Variants in TET1 observed in about 807,000 individuals in gnomAD.
TET1 encodes tet methylcytosine dioxygenase 1.
A neutral mutation model predicts 148.7 loss-of-function variants in TET1; 13 were observed. That is an observed-to-expected ratio of 0.09 (90% CI 0.06 to 0.14). The LOEUF (loss-of-function observed/expected upper bound fraction) is 0.14. Among genes scored for constraint, TET1 ranks in the 10% least tolerant of loss-of-function variants. TET1 has a pLI of 1.00. For synonymous variants in TET1, 907 were observed against 937.2 expected (o/e 0.97, Z 0.59); for missense variants, 2,182 against 2,553.8 (o/e 0.85, Z 3.14).
chr10:68,638,427 G>T (rs988452691), intron 3 of TET1, among the ~76,000 whole-genome samples: 2 of 152,114 alleles, frequency 1.3e-5, no homozygotes, highest in African/African-American at 2.4e-5. Context: ...ATTCTCAAGA[G>T]AAATGAAAAT....
chr10:68,575,474 G>A (rs1336967383), intron 2 of TET1, among the ~76,000 whole-genome samples: 1 of 152,072 alleles, frequency 6.6e-6, no homozygotes, highest in Non-Finnish European at 1.5e-5. Context: ...ACTTTGGGAG[G>A]CCAAGGTGGC....
At chr10:68,591,315 CTGAGT>C (rs1480385938) in intron 2 of TET1, among the ~76,000 whole-genome samples, 9 of 152,046 alleles carry the variant, frequency 5.9e-5, no homozygotes, top group Non-Finnish European at 1.3e-4. Flanking sequence ...TTTTTTCTAT[CTGAGT>C]TATGTTCCAT....
intron 10 of TET1, among the ~76,000 whole-genome samples, chr10:68,684,246 A>T (rs937670357): frequency 2.0e-5 from 3 of 151,906 alleles, no homozygotes; most frequent in South Asian, 4.2e-4. Context: ...TTAAAAAATA[A>T]TTTTTTTTAG....
At position 68,645,271 on chromosome 10, in the gene TET1, A is replaced by T. The variant is rs200014013; in HGVS notation, c.2542A>T (p.Ser848Cys). 31 of 1,614,088 alleles carry T rather than the reference A, an allele frequency of 1.9e-5. No homozygotes were observed. Among genetic ancestry groups the T allele is most frequent in the Non-Finnish European group, 2.5e-5 (30 of 1,180,046 alleles). ...ACACTCCATCATAAATCATCATGCT[A>T]GTATACACAATGAAGGTGATCAACC... ...SSHSIINHHASIHNEGDQPKT... is the reference protein window; with the variant it reads ...SSHSIINHHACIHNEGDQPKT... Residue 848 changes from serine to cysteine, a missense_variant, in exon 4 of 12, where the codon AGT becomes TGT. Ser to Cys is a moderately radical substitution (Grantham distance 112). Coordinates refer to ENST00000373644, the MANE Select transcript of TET1 (RefSeq NM_030625.3).
chr10:68,561,255 T>TC (rs1036908978), intron 1 of TET1, among the ~76,000 whole-genome samples: 7 of 151,744 alleles, frequency 4.6e-5, no homozygotes, highest in African/African-American at 1.7e-4. Context: ...GTTTTCTCCC[T>TC]CCCCCCATAT....
chr10:68,646,481 C>T lies in TET1; in HGVS notation c.3752C>T (p.Ala1251Val). The change falls in exon 4 of 12, where the codon GCA becomes GTA. Residue 1251 changes from alanine (A) to valine (V), a missense_variant. This residue lies in a region of TET1 where 582 missense variants were observed against 599.5 expected (regional missense o/e 0.97). Transcript: ENST00000373644. Reference sequence around the variant, plus strand: ...AAATTACAGAGATATCCTGAATCAGCAGAGGAAAAGGTGAAGGTTGAACCA... The same window carrying T: ...AAATTACAGAGATATCCTGAATCAGTAGAGGAAAAGGTGAAGGTTGAACCA... The part of the protein sequence containing the change: ...QIKLQRYPES[A>V]EEKVKVEPLD... 3.1e-6 allele frequency: 5 copies of T among 1,614,144 alleles called. No homozygotes were observed. The South Asian group carries it at 4.4e-5, about 14-fold the overall frequency.
intron 10 of TET1, among the ~76,000 whole-genome samples, chr10:68,683,513 C>T (rs1041642146): frequency 1.3e-5 from 2 of 151,958 alleles, no homozygotes; most frequent in African/African-American, 4.8e-5. Context: ...CTCATGACCT[C>T]GTGATCCACC....
intron 2 of TET1, among the ~76,000 whole-genome samples, chr10:68,598,303 A>G (rs1239121563): frequency 6.6e-6 from 1 of 152,238 alleles, no homozygotes; most frequent in Non-Finnish European, 1.5e-5. Flanking sequence ...AGGCAGCAGA[A>G]TCATTTGAAC....
chr10:68,626,083 C>T (rs187191525), intron 3 of TET1, among the ~76,000 whole-genome samples: 146 of 90,266 alleles, frequency 1.6e-3, no homozygotes, highest in Non-Finnish European at 2.1e-3. Context: ...GAACGAGACC[C>T]TATCTCAAAA....
chr10:68,602,761 G>C (rs548175055), intron 3 of TET1, among the ~76,000 whole-genome samples: 1 of 152,128 alleles, frequency 6.6e-6, no homozygotes, highest in Non-Finnish European at 1.5e-5. Flanking sequence ...TGTTGCTCAC[G>C]TTCCTCTATA....
intron 2 of TET1, 146 bp downstream of exon 2, chr10:68,574,398 T>A: frequency 1.4e-6 from 1 of 694,744 alleles, no homozygotes; most frequent in South Asian, 2.1e-5. Flanking sequence ...AATGTTACTT[T>A]AAGTTATCCA....
Position 68,692,798 on chromosome 10 carries a change from G to A in TET1, c.*984G>A, listed in dbSNP as rs927804356. 6 of 231,236 alleles carry A rather than the reference G, an allele frequency of 2.6e-5. No individual in the cohort carries two copies. The highest frequency in any genetic ancestry group is 3.6e-4 in the South Asian group (2 of 5,504). 14.3% of individuals were successfully genotyped at this position (231,236 alleles called of 1,614,324 possible). ...ATTTAGTTTCATCCCACCTTTCTCA[G>A]TATAATCCATGAGAGGTGTTTCCAA... On this transcript the variant is annotated 3_prime_UTR_variant, in exon 12 of 12. Coordinates refer to ENST00000373644, the MANE Select transcript of TET1 (RefSeq NM_030625.3).
chr10:68,676,548 A>G (rs2055364990), intron 8 of TET1, among the ~76,000 whole-genome samples: 1 of 151,794 alleles, frequency 6.6e-6, no homozygotes, highest in Non-Finnish European at 1.5e-5. Context: ...TGCTAGGATT[A>G]CAGGCGTAAG....
At chr10:68,665,061 G>A (rs1307162892) in intron 6 of TET1, among the ~76,000 whole-genome samples, 3 of 151,924 alleles carry the variant, frequency 2.0e-5, no homozygotes, top group Admixed American at 6.6e-5. Flanking sequence ...TGTGAGCTGC[G>A]GCACCCAGCC....
chr10:68,599,872 C>G (rs1477663468), intron 2 of TET1, among the ~76,000 whole-genome samples: 1 of 152,156 alleles, frequency 6.6e-6, no homozygotes. Flanking sequence ...AGAGAAAATC[C>G]TTTCTCTCTA....
chr10:68,625,798 T>C (rs2054468619), intron 3 of TET1, among the ~76,000 whole-genome samples: 1 of 151,994 alleles, frequency 6.6e-6, no homozygotes, highest in South Asian at 2.1e-4. Flanking sequence ...AGGAAATACT[T>C]AGAGTGAGCC....
chr10:68,626,897 A>G (rs773155003), intron 3 of TET1, among the ~76,000 whole-genome samples: 2 of 152,118 alleles, frequency 1.3e-5, no homozygotes, highest in Non-Finnish European at 2.9e-5. Flanking sequence ...TTCTCATTCT[A>G]TCGCCGAGGT....
At chr10:68,653,551 A>G (rs1463910944) in intron 6 of TET1, among the ~76,000 whole-genome samples, 2 of 152,210 alleles carry the variant, frequency 1.3e-5, no homozygotes, top group East Asian at 3.8e-4. Flanking sequence ...GAGAATTTAC[A>G]TATATTTCAT....
At chr10:68,595,404 G>A (rs923502671) in intron 2 of TET1, among the ~76,000 whole-genome samples, 3 of 151,892 alleles carry the variant, frequency 2.0e-5, no homozygotes, top group Non-Finnish European at 4.4e-5. Flanking sequence ...TTGTGTTTCG[G>A]TCTTCAGTCT....
Sources: gnomAD v4.1 joint callset for allele counts (sites outside exome capture counted in the v4.1 genomes callset) on GRCh38, gnomAD v4.1.1 for gene constraint, gnomAD v4.1.1 regional missense constraint, MANE v1.5 for transcripts, NCBI Gene and HGNC (gene_info 2026-07-23, HGNC 2026-07-21) for gene names.